The following ZNF444 variants were observed in gnomAD, a reference collection of about 807,000 sequenced individuals.
ZNF444 encodes the protein zinc finger protein 444, also known as endothelial zinc finger protein 2.
Under a neutral mutation model 14.4 loss-of-function variants are expected in ZNF444, and 8 were observed. The observed-to-expected ratio is 0.56, with a 90% CI of 0.33 to 1.00. ZNF444 has a LOEUF of 1.00. Ranked by LOEUF, ZNF444 falls within the 50% of genes least tolerant of loss-of-function variation. The pLI is 0.03. For missense variants in ZNF444, 510 were observed against 504.8 expected, an observed-to-expected ratio of 1.01 and a Z score of -0.10; for synonymous variants, 258 against 235.9, an observed-to-expected ratio of 1.09 and a Z score of -0.86.
upstream of ZNF444, among the ~76,000 whole-genome samples, chr19:56,138,734 T>A (rs2030667578): frequency 6.7e-6 from 1 of 150,282 alleles, no homozygotes; most frequent in Admixed American, 6.6e-5. Flanking sequence ...AATTTCAATT[T>A]GGGAAGATGA....
In ZNF444 at chr19:56,158,607, G is replaced by A. The variant is rs922698036; in HGVS notation, c.406+5G>A. 1.9e-6 allele frequency: 3 copies of A among 1,601,760 alleles called. No individual in the cohort carries two copies. The highest frequency in any genetic ancestry group is 2.7e-5 in the African/African-American group (2 of 74,252). On this transcript the variant is annotated splice_donor_5th_base_variant and intron_variant, in intron 4 of 4. Transcript: ENST00000337080. ...ACAGTGGGATGATTCCCTTAGGTGA[G>A]CTGCTGGCCTCTCTGGTTCTCCCCG...
At chr19:56,138,416 C>A (rs2123455081), upstream of ZNF444, among the ~76,000 whole-genome samples, 1 of 151,778 alleles carries the variant, frequency 6.6e-6, no homozygotes, top group South Asian at 2.1e-4. Context: ...CACTTGAGAC[C>A]AGGAGTTTAA....
rs1465423210 is a variant in ZNF444, at chr19:56,158,621, T to C, written c.406+19T>C. ...CCCTTAGGTGAGCTGCTGGCCTCTCTGGTTCTCCCCGCCAGCCCCCAGCAC... is the reference window on the plus strand; with the variant it reads ...CCCTTAGGTGAGCTGCTGGCCTCTCCGGTTCTCCCCGCCAGCCCCCAGCAC... On this transcript the variant is annotated intron_variant, in intron 4 of 4. Transcript: ENST00000337080. 6.3e-7 allele frequency: 1 copy of C among 1,585,360 alleles called. No homozygotes were observed. Among genetic ancestry groups the C allele is most frequent in the African/African-American group, 1.4e-5 (1 of 73,618 alleles).
At chr19:56,158,880 C>T (rs1420280905) in intron 4 of ZNF444, among the ~76,000 whole-genome samples, 1 of 151,896 alleles carries the variant, frequency 6.6e-6, no homozygotes, top group African/African-American at 2.4e-5. Context: ...TTCACCCATC[C>T]ATCCCTCTAT....
rs1599916100 is a variant in ZNF444 at position 56,160,506 on chromosome 19, G to A, written c.*305G>A. ...CCTTCCCCCCTCTTCTCTCTCCTGC[G>A]GCCCAGCCTCCCTCTCCCTCCTCCA... On this transcript the variant is annotated 3_prime_UTR_variant, in exon 5 of 5. Transcript: ENST00000337080. 1 of 358,170 alleles carries A rather than the reference G, an allele frequency of 2.8e-6. No individual in the cohort carries two copies. Among genetic ancestry groups the A allele is most frequent in the East Asian group, 4.9e-5 (1 of 20,356 alleles). The allele number at this position is 358,170 out of a possible 1,614,324, so 22.2% of individuals were successfully genotyped here. A position where few individuals can be genotyped will look rare whatever the true frequency, so the allele number is the denominator to read the frequency against.
upstream of ZNF444, among the ~76,000 whole-genome samples, chr19:56,138,972 T>G (rs2030675280): frequency 6.6e-6 from 1 of 151,668 alleles, no homozygotes; most frequent in Non-Finnish European, 1.5e-5. Context: ...AATTTTTGTA[T>G]TTTTAGTAGA....
At chr19:56,152,798 T>C (rs2031665837) in intron 3 of ZNF444, among the ~76,000 whole-genome samples, 1 of 151,972 alleles carries the variant, frequency 6.6e-6, no homozygotes, top group South Asian at 2.1e-4. Flanking sequence ...AAGGGGTCTC[T>C]CTGGGGTCTC....
chr19:56,146,004 C>T (rs770685964), intron 1 of ZNF444: 1 of 152,254 alleles, frequency 6.6e-6, no homozygotes, highest in Non-Finnish European at 1.5e-5. Context: ...ACTTTCATTA[C>T]CAGTTAAAAG....
intron 3 of ZNF444, 151 bp from the exon 4 acceptor site, chr19:56,158,343 T>G (rs1313437542): frequency 2.8e-6 from 2 of 704,872 alleles, no homozygotes; most frequent in African/African-American, 3.7e-5. Context: ...CCTGGGGGCC[T>G]CTCTGTGGGG....
At chr19:56,158,469 G>A in intron 3 of ZNF444, 25 bp from the exon 4 acceptor site, 1 of 1,589,310 alleles carries the variant, frequency 6.3e-7, no homozygotes, top group South Asian at 1.1e-5. Flanking sequence ...AGGTTTCTGA[G>A]TTCAAAACTG....
chr19:56,138,876 A>G (rs886454790), upstream of ZNF444, among the ~76,000 whole-genome samples: 4 of 134,376 alleles, frequency 3.0e-5, no homozygotes, highest in African/African-American at 1.1e-4. Flanking sequence ...AGCTCACTGC[A>G]ACCTCCACCT....
intron 1 of ZNF444, chr19:56,142,279 A>C (rs943922165): frequency 6.6e-6 from 1 of 152,194 alleles, no homozygotes; most frequent in African/African-American, 2.4e-5. Flanking sequence ...TTTACAGTCA[A>C]CGAAATGGAG....
At chr19:56,159,581 G>T (rs990711577) in intron 4 of ZNF444, 43 bp from the exon 5 acceptor site, 3 of 1,406,842 alleles carry the variant, frequency 2.1e-6, no homozygotes, top group African/African-American at 3.0e-5. Context: ...TCCTTGCCCC[G>T]CCCTCGTGCC....
intron 1 of ZNF444, among the ~76,000 whole-genome samples, chr19:56,134,310 A>G (rs1389676691): frequency 6.6e-6 from 1 of 152,182 alleles, no homozygotes; most frequent in East Asian, 1.9e-4. Flanking sequence ...TTTGCTGTCA[A>G]AGGAATTCTC....
chr19:56,142,225 C>T (rs759548840), intron 1 of ZNF444: 1 of 152,216 alleles, frequency 6.6e-6, no homozygotes, highest in Non-Finnish European at 1.5e-5. Flanking sequence ...TGGACACTTA[C>T]TAGCCAGGTG....
At position 56,147,067 on chromosome 19, in the gene ZNF444, G is replaced by C; in HGVS notation, c.156G>C (p.Glu52Asp). 6.3e-7 allele frequency: 1 copy of C among 1,581,326 alleles called. No homozygotes were observed. Residue 52 changes from glutamate (E) to aspartate (D), a missense_variant, in exon 3 of 5, where the codon GAG becomes GAC. Physicochemically the swap from Glu to Asp is conservative, Grantham distance 45 (BLOSUM62 2). Transcript: ENST00000337080. The surrounding 1 kb of genome is among the most constrained non-coding windows in gnomAD (Gnocchi z 5.9). ...TGTGCCGGGACTGGCTGCGGCCCGA[G>C]GTGCACACCAAGGAGCAGATGTTGG... ...RALCRDWLRP[E>D]VHTKEQMLEL...
chr19:56,135,876 A>G (rs1473858566), intron 1 of ZNF444, among the ~76,000 whole-genome samples: 2 of 151,450 alleles, frequency 1.3e-5, no homozygotes, highest in East Asian at 2.0e-4. Context: ...AGATCAGAAG[A>G]TCGACCAGCC....
intron 4 of ZNF444, among the ~76,000 whole-genome samples, 175 bp downstream of exon 4, chr19:56,158,777 G>C (rs2032067049): frequency 6.6e-6 from 1 of 152,030 alleles, no homozygotes; most frequent in Non-Finnish European, 1.5e-5. Context: ...GGGCCTCGGG[G>C]TTGGAGGTTC....
chr19:56,134,692 GC>G (rs769487618), intron 1 of ZNF444, among the ~76,000 whole-genome samples: 90 of 152,124 alleles, frequency 5.9e-4, no homozygotes, highest in Non-Finnish European at 1.0e-3. Context: ...AAGATTTATG[GC>G]CCACTTACCA....
Sources: allele counts gnomAD v4.1 joint callset (sites outside exome capture counted in the v4.1 genomes callset), GRCh38; gene constraint gnomAD v4.1.1; non-coding constraint Gnocchi (gnomAD v3.1); transcripts MANE v1.5; gene names NCBI Gene and HGNC (gene_info 2026-07-23, HGNC 2026-07-21).